Variants in ADGRA2 observed in about 807,000 individuals in gnomAD.
ADGRA2 encodes the protein adhesion G protein-coupled receptor A2.
Under a neutral mutation model 98.7 loss-of-function variants are expected in ADGRA2, and 61 were observed. That is an observed-to-expected ratio of 0.62 (90% CI 0.50 to 0.76). The LOEUF (loss-of-function observed/expected upper bound fraction) is 0.76. ADGRA2 is among the 30% of genes least tolerant of loss of function. The probability of loss-of-function intolerance (pLI) is 0.00; values close to 1 mark genes in which losing one functional copy is unlikely to be tolerated. For synonymous variants in ADGRA2, 858 were observed against 831.5 expected, an observed-to-expected ratio of 1.03 and a Z score of -0.55; for missense variants, 1,712 against 1,860.0, an observed-to-expected ratio of 0.92 and a Z score of 1.46.
intron 2 of ADGRA2, among the ~76,000 whole-genome samples, chr8:37,819,504 G>A (rs899198753): frequency 2.0e-5 from 3 of 152,116 alleles, no homozygotes; most frequent in Non-Finnish European, 2.9e-5. Context: ...AAGTAACTGG[G>A]ATTACAGGCA....
chr8:37,817,044 G>A (rs1416857397), intron 2 of ADGRA2, among the ~76,000 whole-genome samples: 1 of 151,528 alleles, frequency 6.6e-6, no homozygotes, highest in African/African-American at 2.4e-5. Flanking sequence ...CACAGGTAAT[G>A]GAGACACAGT....
At chr8:37,810,668 A>T (rs1406585392) in intron 1 of ADGRA2, among the ~76,000 whole-genome samples, 1 of 152,024 alleles carries the variant, frequency 6.6e-6, no homozygotes, top group Non-Finnish European at 1.5e-5. Flanking sequence ...GCTACTTTTT[A>T]AAAAATGTTT....
chr8:37,832,316 G>T (rs1036030111), intron 8 of ADGRA2, among the ~76,000 whole-genome samples: 1 of 151,946 alleles, frequency 6.6e-6, no homozygotes, highest in African/African-American at 2.4e-5. Context: ...GCCTCCCGAA[G>T]TGCCAGGATT....
intron 1 of ADGRA2, among the ~76,000 whole-genome samples, chr8:37,806,490 A>ATTTTC (rs1804663020): frequency 8.4e-6 from 1 of 118,590 alleles, no homozygotes. Context: ...TGGGTGTGGC[A>ATTTTC]TTTTCTTTTT....
intron 2 of ADGRA2, among the ~76,000 whole-genome samples, chr8:37,824,336 T>G (rs1032019970): frequency 6.6e-6 from 1 of 151,872 alleles, no homozygotes; most frequent in Non-Finnish European, 1.5e-5. Context: ...GCCTGCCCAT[T>G]TTTTTCAACT....
chr8:37,812,399 G>A (rs1010253329), intron 1 of ADGRA2, among the ~76,000 whole-genome samples: 25 of 152,096 alleles, frequency 1.6e-4, no homozygotes, highest in Admixed American at 1.5e-3. Context: ...AGCCCGAGGC[G>A]GGTGGATCAC....
rs1804356650 is a variant in ADGRA2, at chr8:37,797,307, G to A, written c.39G>A (p.Ala13=). ...GACGCAGGATGCGGGGGGCGCCCGC[G>A]CGCCTGCTGCTGCCGCTGCTGCCGT... The part of the protein sequence containing the change: ...AGGRRMRGAP[A]RLLLPLLPWL... Residue 13 remains alanine (A), a synonymous_variant, in exon 1 of 19, where the codon GCG becomes GCA. Transcript: ENST00000412232. This position sits in a 1 kb window ranked among gnomAD's most constrained non-coding sequence, Gnocchi z 5.3. The A allele has an allele frequency of 2.3e-6, 3 of 1,315,340 alleles. No individual in the cohort carries two copies. The highest frequency in any genetic ancestry group is 2.9e-6 in the Non-Finnish European group (3 of 1,039,910). 81.5% of individuals were successfully genotyped at this position (1,315,340 alleles called of 1,614,324 possible).
At chr8:37,837,567 A>C (rs1368782521) in intron 13 of ADGRA2, among the ~76,000 whole-genome samples, 164 bp from the exon 14 acceptor site, 2 of 152,142 alleles carry the variant, frequency 1.3e-5, no homozygotes, top group African/African-American at 4.8e-5. Flanking sequence ...CATTAGACTG[A>C]GGCTGTCCTT....
intron 4 of ADGRA2, 65 bp from the exon 5 acceptor site, chr8:37,829,423 T>C (rs1210206183): frequency 1.3e-5 from 20 of 1,533,684 alleles, no homozygotes; most frequent in African/African-American, 6.8e-5. Flanking sequence ...ACATCCCACC[T>C]GCTCTCCTCC....
At chr8:37,840,656 G>T in intron 17 of ADGRA2, 104 bp from the exon 18 acceptor site, 1 of 717,508 alleles carries the variant, frequency 1.4e-6, no homozygotes. Context: ...TAATTTAAAG[G>T]GGAAAGAGGA....
At position 37,830,961 on chromosome 8, in the gene ADGRA2, G is replaced by C; in HGVS notation, c.932+38G>C. On this transcript the variant is annotated intron_variant, in intron 7 of 18. Transcript: ENST00000412232. The surrounding 1 kb of genome is among the most constrained non-coding windows in gnomAD (Gnocchi z 4.8). ...CTGCCCCTCCTCAGGCCTCAGCATG[G>C]GGTTAGGGGACCTACCCTACCCGTC... The C allele has an allele frequency of 6.8e-7, 1 of 1,478,850 alleles. No homozygotes were observed. The highest frequency in any genetic ancestry group is 9.2e-7 in the Non-Finnish European group (1 of 1,085,524). 91.6% of individuals were successfully genotyped at this position (1,478,850 alleles called of 1,614,324 possible).
rs1465998323 is a variant in ADGRA2 at position 37,842,486 on chromosome 8, C to T, written c.*131C>T. On this transcript the variant is annotated 3_prime_UTR_variant, in exon 19 of 19. Coordinates refer to ENST00000412232, the MANE Select transcript of ADGRA2 (RefSeq NM_032777.10). ...CCGATGGCTGGAGGAAGCCCACAGGCGGATGTTCCCCACTTGCCTAGAGGG... is the reference window on the plus strand; with the variant it reads ...CCGATGGCTGGAGGAAGCCCACAGGTGGATGTTCCCCACTTGCCTAGAGGG... The T allele has an allele frequency of 1.5e-6, 2 of 1,346,300 alleles. No homozygotes were observed. Among genetic ancestry groups the T allele is most frequent in the Admixed American group, 3.8e-5 (1 of 26,322 alleles). The allele number at this position is 1,346,300 out of a possible 1,614,324, so 83.4% of individuals were successfully genotyped here.
chr8:37,823,628 C>T (rs917699056), intron 2 of ADGRA2, among the ~76,000 whole-genome samples: 2 of 152,126 alleles, frequency 1.3e-5, no homozygotes, highest in Admixed American at 1.3e-4. Flanking sequence ...TATGGTAACC[C>T]GAACTGTGAA....
At chr8:37,824,776 A>T in intron 2 of ADGRA2, among the ~76,000 whole-genome samples, 1 of 152,144 alleles carries the variant, frequency 6.6e-6, no homozygotes. Flanking sequence ...GATTATAGGC[A>T]TGAGCCACTC....
Position 37,797,348 on chromosome 8 carries a change from TG to T in ADGRA2, c.82del (p.Ala28ArgfsTer27). ...LPLLPWLLLLLAPEARGAPGC... is the reference protein window; with the variant it reads ...LPLLPWLLLLXAPEARGAPGC... ...CTGCTGCCGTGGCTCCTGCTGCTCC[TG>T]GCGCCCGAGGCTCGGGGCGCGCCCG... On this transcript the variant is annotated frameshift_variant, in exon 1 of 19. Coordinates refer to ENST00000412232, the MANE Select transcript of ADGRA2 (RefSeq NM_032777.10). LOFTEE classifies it high-confidence loss of function. The surrounding 1 kb of genome is among the most constrained non-coding windows in gnomAD (Gnocchi z 5.3). 7.1e-7 allele frequency: 1 copy of T among 1,402,408 alleles called. No homozygotes were observed. Among genetic ancestry groups the T allele is most frequent in the Non-Finnish European group, 9.2e-7 (1 of 1,081,568 alleles). 86.9% of individuals were successfully genotyped at this position (1,402,408 alleles called of 1,614,324 possible). A position where few individuals can be genotyped will look rare whatever the true frequency, so the allele number is the denominator to read the frequency against.
intron 1 of ADGRA2, among the ~76,000 whole-genome samples, chr8:37,799,158 C>G (rs1015909053): frequency 2.0e-5 from 3 of 152,082 alleles, no homozygotes; most frequent in Middle Eastern, 3.2e-3. Context: ...GGGTGGATCA[C>G]GAGGTCAGGA....
chr8:37,826,209 C>T (rs2129990436), intron 2 of ADGRA2, among the ~76,000 whole-genome samples: 3 of 152,304 alleles, frequency 2.0e-5, no homozygotes, highest in Middle Eastern at 6.8e-3. Flanking sequence ...TTTCCCTCTG[C>T]CCGTCCCCCA....
rs61597050 is a variant in ADGRA2 at position 37,834,649 on chromosome 8, G to T, written c.1608+521G>T. On this transcript the variant is annotated intron_variant, in intron 11 of 18. Coordinates refer to ENST00000412232, the MANE Select transcript of ADGRA2 (RefSeq NM_032777.10). This position sits in a 1 kb window ranked among gnomAD's most constrained non-coding sequence, Gnocchi z 4.2. ...AGCAAGAAGCCTGTAATCCCAGCAC[G>T]TTGGGAGGCCGATACAGGAGGATCT... Among the ~76,000 whole-genome samples, 4,485 of 152,206 alleles carry T rather than the reference G, an allele frequency of 0.029. 221 individuals are homozygous for T. Among genetic ancestry groups the T allele is most frequent in the African/African-American group, 0.1 (4,185 of 41,494 alleles).
chr8:37,833,250 G>A, intron 9 of ADGRA2, 42 bp downstream of exon 9: 9 of 1,476,964 alleles, frequency 6.1e-6, no homozygotes, highest in African/African-American at 1.4e-5. Flanking sequence ...TGCTTCGGGG[G>A]CACAGGGAAG....
Sources: allele counts gnomAD v4.1 joint callset (sites outside exome capture counted in the v4.1 genomes callset), GRCh38; gene constraint gnomAD v4.1.1; non-coding constraint Gnocchi (gnomAD v3.1); transcripts MANE v1.5; gene names NCBI Gene and HGNC (gene_info 2026-07-23, HGNC 2026-07-21).